Variants in GLUL observed in about 807,000 individuals in gnomAD.
The protein encoded by GLUL is glutamine synthetase.
In GLUL, 8 loss-of-function variants were observed where a neutral mutation model predicts 36.9. The observed-to-expected ratio is 0.22, with a 90% CI of 0.13 to 0.39. GLUL has a LOEUF of 0.39. Among genes scored for constraint, GLUL ranks in the 10% least tolerant of loss-of-function variants. The pLI, the probability that GLUL is intolerant of heterozygous loss-of-function variation, is 1.00. For synonymous variants in GLUL, 182 were observed against 172.8 expected (o/e 1.05, Z -0.42); for missense variants, 315 against 501.8 (o/e 0.63, Z 3.56).
intron 1 of GLUL, chr1:182,390,501 G>A: frequency 2.5e-6 from 1 of 399,062 alleles, no homozygotes; most frequent in East Asian, 3.6e-5. Flanking sequence ...ACTCACCCCA[G>A]CCACAGAAAG....
intron 1 of GLUL, chr1:182,390,078 C>A (rs1295588000): frequency 6.5e-6 from 1 of 153,760 alleles, no homozygotes; most frequent in Admixed American, 6.5e-5. Flanking sequence ...CAAAAATTAG[C>A]CGGGCGTGGT....
rs111254577 is a variant in GLUL at position 182,384,922 on chromosome 1, T to C, written c.804-199A>G. 1,616 of 615,600 alleles carry C rather than the reference T, an allele frequency of 2.6e-3. 22 individuals carry two copies. In the African/African-American group the frequency reaches 0.027, roughly 10 times the overall value. The allele number at this position is 615,600 out of a possible 1,614,324, so 38.1% of individuals were successfully genotyped here. On this transcript the variant is annotated intron_variant, in intron 6 of 6. Coordinates refer to ENST00000331872, the MANE Select transcript of GLUL (RefSeq NM_001033044.4). ...ACTGTTTGTTGAAAAGACTAATCATTTGAAACTTTCTCCCCCTCATAAGCA... is the reference window on the plus strand; with the variant it reads ...ACTGTTTGTTGAAAAGACTAATCATCTGAAACTTTCTCCCCCTCATAAGCA...
rs763654448 is a variant in GLUL, at chr1:182,385,796, C to T, written c.567G>A (p.Lys189=). Reference sequence around the variant, plus strand: ...TGACCTCGGCATTAGTCCCCGCAATCTTGACTCCAGCATACAAGCAGGCCC... The same window carrying T: ...TGACCTCGGCATTAGTCCCCGCAATTTTGACTCCAGCATACAAGCAGGCCC... ...HYRACLYAGV[K]IAGTNAEVMP... is the part of the protein sequence containing the mutation. The change falls in exon 5 of 7, where the codon AAG becomes AAA. Residue 189 remains lysine, a synonymous_variant. Coordinates refer to ENST00000331872, the MANE Select transcript of GLUL (RefSeq NM_001033044.4). 6.2e-7 allele frequency: 1 copy of T among 1,614,210 alleles called. No homozygotes were observed. The highest frequency in any genetic ancestry group is 8.5e-7 in the Non-Finnish European group (1 of 1,180,040).
Position 182,382,761 on chromosome 1 carries a change from C to G in GLUL, c.*1644G>C, listed in dbSNP as rs1294660292. 35 of 152,176 alleles carry G rather than the reference C, an allele frequency of 2.3e-4. No individual in the cohort carries two copies. Among genetic ancestry groups the G allele is most frequent in the Admixed American group, 2.1e-3 (32 of 15,280 alleles). 9.4% of individuals were successfully genotyped at this position (152,176 alleles called of 1,614,324 possible). On this transcript the variant is annotated 3_prime_UTR_variant, in exon 7 of 7. Coordinates refer to ENST00000331872, the MANE Select transcript of GLUL (RefSeq NM_001033044.4). ...CAACTTAGAGAGGTACAGGAAACGG[C>G]TGGTCAGCAACATCACTCCAGTGTT...
Position 182,386,239 on chromosome 1 carries a change from A to T in GLUL, c.475+17T>A, listed in dbSNP as rs1571406872. The T allele has an allele frequency of 6.2e-7, 1 of 1,610,330 alleles. No individual in the cohort carries two copies. The highest frequency in any genetic ancestry group is 2.2e-5 in the East Asian group (1 of 44,866). On this transcript the variant is annotated intron_variant, in intron 4 of 6. Coordinates refer to ENST00000331872, the MANE Select transcript of GLUL (RefSeq NM_001033044.4). ...AGACACTTCTGGGAATTTCACCTCT[A>T]ACCCAAGGAGACTTACCCTGGGGCC... is the stretch of plus-strand genomic sequence containing the variant.
chr1:182,388,296 T>G (rs1650263899), intron 2 of GLUL, among the ~76,000 whole-genome samples: 1 of 152,194 alleles, frequency 6.6e-6, no homozygotes, highest in Non-Finnish European at 1.5e-5. Flanking sequence ...CGGCAACCTC[T>G]AAGCCCCATG....
rs1476806062 is a variant in GLUL at position 182,380,419 on chromosome 1, C to CA, written c.*3985dup. ...ATTTCCTGGGCTCAAGTCATCCTCC[C>CA]ATCTCAGCCTCCTGATAGCTGAGAC... On this transcript the variant is annotated 3_prime_UTR_variant, in exon 7 of 7. Transcript: ENST00000331872. Among the ~76,000 whole-genome samples, 18 of 152,108 alleles carry CA rather than the reference C, an allele frequency of 1.2e-4. No individual in the cohort carries two copies. The highest frequency in any genetic ancestry group is 4.3e-4 in the African/African-American group (18 of 41,476).
rs10797770 is a variant in GLUL at position 182,381,254 on chromosome 1, C to G, written c.*3151G>C. On this transcript the variant is annotated 3_prime_UTR_variant, in exon 7 of 7. Coordinates refer to ENST00000331872, the MANE Select transcript of GLUL (RefSeq NM_001033044.4). ...ACTATACTCCAGCCTGGGTGAGAGTCAGACCCCGTCTCAAAAACAACAAAA... is the reference window on the plus strand; with the variant it reads ...ACTATACTCCAGCCTGGGTGAGAGTGAGACCCCGTCTCAAAAACAACAAAA... Among the ~76,000 whole-genome samples the G allele has an allele frequency of 0.59, 89,705 of 151,992 alleles. 27,375 individuals carry two copies. Among genetic ancestry groups the G allele is most frequent in the East Asian group, 0.83 (4,319 of 5,182 alleles).
intron 2 of GLUL, among the ~76,000 whole-genome samples, chr1:182,388,145 G>A (rs1044627051): frequency 5.3e-5 from 8 of 152,112 alleles, no homozygotes; most frequent in African/African-American, 1.9e-4. Flanking sequence ...CCATTGTAGA[G>A]CATTTGCTTC....
rs1237026987 is a variant in GLUL, at chr1:182,388,629, CAG to C, written c.107_108del (p.Thr36ArgfsTer14). ...VQAMYIWIDG[T>X]GEGLRCKTRT... ...CGGGTCTTGCAGCGCAGTCCTTCTCCAGTACCATCGATCCAGATATACATGGC... is the reference window on the plus strand; with the variant it reads ...CGGGTCTTGCAGCGCAGTCCTTCTCCTACCATCGATCCAGATATACATGGC... On this transcript the variant is annotated frameshift_variant, in exon 2 of 7. Transcript: ENST00000331872. LOFTEE classifies it high-confidence loss of function. 6.2e-7 allele frequency: 1 copy of C among 1,613,994 alleles called. No individual in the cohort carries two copies.
At chr1:182,386,700 C>T (rs1450338364) in intron 3 of GLUL, 7 of 495,322 alleles carry the variant, frequency 1.4e-5, no homozygotes, top group South Asian at 8.3e-5. Context: ...ATTCTGGCCA[C>T]CTCCCAAGCA....
At chr1:182,386,120 G>T in intron 4 of GLUL, 136 bp downstream of exon 4, 1 of 958,604 alleles carries the variant, frequency 1.0e-6, no homozygotes, top group Non-Finnish European at 1.7e-6. Context: ...TTGGACTTTG[G>T]TGATGTGAGG....
chr1:182,386,504 G>C, intron 3 of GLUL, 102 bp from the exon 4 acceptor site: 1 of 932,902 alleles, frequency 1.1e-6, no homozygotes, highest in Non-Finnish European at 1.8e-6. Flanking sequence ...TACAACTGAG[G>C]TGTGCACTAT....
In GLUL at chr1:182,384,309, A is replaced by AC; in HGVS notation, c.*95dup. On this transcript the variant is annotated 3_prime_UTR_variant, in exon 7 of 7. Transcript: ENST00000331872. ...ATGAAAAAAACGACCTTGATATTCC[A>AC]CCCTTTGAGTTACAATCGGGACAAC... is the stretch of plus-strand genomic sequence containing the variant. The AC allele has an allele frequency of 1.2e-6, 1 of 869,042 alleles. No individual in the cohort carries two copies. Among genetic ancestry groups the AC allele is most frequent in the Non-Finnish European group, 1.9e-6 (1 of 521,870 alleles). The allele number at this position is 869,042 out of a possible 1,614,324, so 53.8% of individuals were successfully genotyped here.
At position 182,380,814 on chromosome 1, in the gene GLUL, A is replaced by G. The variant is rs6691339; in HGVS notation, c.*3591T>C. ...TCTTGCTTTCATGAAGTTCAACTAG[A>G]AAGTCCTGTCGAATGATGAGACATC... On this transcript the variant is annotated 3_prime_UTR_variant, in exon 7 of 7. Coordinates refer to ENST00000331872, the MANE Select transcript of GLUL (RefSeq NM_001033044.4). Among the ~76,000 whole-genome samples the G allele has an allele frequency of 0.59, 89,693 of 152,202 alleles. 27,324 individuals are homozygous for G. Among genetic ancestry groups the G allele is most frequent in the East Asian group, 0.83 (4,320 of 5,178 alleles).
chr1:182,384,924 G>GA (rs1650107378), intron 6 of GLUL: 1 of 613,500 alleles, frequency 1.6e-6, no homozygotes, highest in Non-Finnish European at 2.9e-6. Context: ...CTAATCATTT[G>GA]AAACTTTCTC....
At position 182,384,702 on chromosome 1, in the gene GLUL, C is replaced by A. The variant is rs35378126; in HGVS notation, c.825G>T (p.Glu275Asp). The A allele has an allele frequency of 9.9e-6, 16 of 1,613,860 alleles. No homozygotes were observed. The South Asian group carries it at 1.6e-4, about 17-fold the overall frequency. Reference sequence around the variant, plus strand: ...GGTACTGGTGCCGCTTGCTTAGTTTCTCAATGGCCTCCTCGATGTACCTAG... The same window carrying A: ...GGTACTGGTGCCGCTTGCTTAGTTTATCAATGGCCTCCTCGATGTACCTAG... ...NGLKYIEEAI[E>D]KLSKRHQYHI... Residue 275 changes from glutamate to aspartate, a missense_variant, in exon 7 of 7, where the codon GAG becomes GAT. Around this residue, in one of 3 missense-constraint regions of GLUL, gnomAD observed 256 missense variants for 396.1 expected, o/e 0.65. Transcript: ENST00000331872.
intron 2 of GLUL, 95 bp downstream of exon 2, chr1:182,388,477 G>A (rs1650270758): frequency 2.8e-6 from 3 of 1,090,768 alleles, no homozygotes; most frequent in South Asian, 2.5e-5. Context: ...ACAAACAGAA[G>A]AAAGAGGCCT....
In GLUL at chr1:182,379,679, T is replaced by C. The variant is rs932155890; in HGVS notation, c.*4726A>G. On this transcript the variant is annotated 3_prime_UTR_variant, in exon 7 of 7. Transcript: ENST00000331872. Reference sequence around the variant, plus strand: ...CCTCCCAGGTAGCTAGGACTACAGGTGCATGCCACCACGCCCAGCTAATTT... The same window carrying C: ...CCTCCCAGGTAGCTAGGACTACAGGCGCATGCCACCACGCCCAGCTAATTT... Among the ~76,000 whole-genome samples the C allele has an allele frequency of 6.6e-6, 1 of 151,748 alleles. No individual in the cohort carries two copies. The highest frequency in any genetic ancestry group is 6.6e-5 in the Admixed American group (1 of 15,204).
Sources: allele counts gnomAD v4.1 joint callset (sites outside exome capture counted in the v4.1 genomes callset), GRCh38; gene constraint gnomAD v4.1.1; regional missense constraint gnomAD v4.1.1; transcripts MANE v1.5; gene names NCBI Gene and HGNC (gene_info 2026-07-23, HGNC 2026-07-21).